RCAN2: variants seen among roughly 807,000 people sequenced by gnomAD.
The protein encoded by RCAN2 is regulator of calcineurin 2.
Under a neutral mutation model 23.6 loss-of-function variants are expected in RCAN2, and 9 were observed. The ratio of observed to expected loss-of-function variants is 0.38; its 90% CI spans 0.23 to 0.67. The LOEUF (loss-of-function observed/expected upper bound fraction) is 0.67, where lower values mean the gene tolerates loss of function less well. RCAN2 is among the 30% of genes least tolerant of loss of function. RCAN2 has a pLI of 0.51. For synonymous variants in RCAN2, 109 were observed against 115.7 expected, an observed-to-expected ratio of 0.94 and a Z score of 0.37; for missense variants, 273 against 302.3, an observed-to-expected ratio of 0.90 and a Z score of 0.72.
chr6:46,232,327 C>G (rs777972713), intron 4 of RCAN2, among the ~76,000 whole-genome samples: 2 of 152,148 alleles, frequency 1.3e-5, no homozygotes, highest in Non-Finnish European at 2.9e-5. Context: ...TAATCCATGT[C>G]CCCGGGTAAA....
chr6:46,307,338 A>G (rs1763104080), intron 2 of RCAN2, among the ~76,000 whole-genome samples: 2 of 152,154 alleles, frequency 1.3e-5, no homozygotes, highest in African/African-American at 4.8e-5. Flanking sequence ...TGAGGGGTGT[A>G]TGTGCCTCAA....
At chr6:46,354,553 A>C (rs1042732006) in intron 2 of RCAN2, among the ~76,000 whole-genome samples, 3 of 152,184 alleles carry the variant, frequency 2.0e-5, no homozygotes, top group African/African-American at 7.2e-5. Flanking sequence ...AATTATTTCA[A>C]AATGAGAAGT....
At chr6:46,477,400 T>C (rs1768744955) in intron 1 of RCAN2, among the ~76,000 whole-genome samples, 1 of 152,180 alleles carries the variant, frequency 6.6e-6, no homozygotes, top group African/African-American at 2.4e-5. Flanking sequence ...AATCAAATTG[T>C]ATAAAAACCA....
intron 1 of RCAN2, among the ~76,000 whole-genome samples, chr6:46,463,577 T>A (rs1768283366): frequency 6.6e-6 from 1 of 152,214 alleles, no homozygotes; most frequent in Admixed American, 6.5e-5. Context: ...GAGATTTTTA[T>A]CTTACCATGA....
At chr6:46,469,275 C>T (rs190748068) in intron 1 of RCAN2, among the ~76,000 whole-genome samples, 121 of 152,336 alleles carry the variant, frequency 7.9e-4, no homozygotes, top group Non-Finnish European at 1.2e-3. Flanking sequence ...TAATCTCCCA[C>T]TTCTAGTGCC....
chr6:46,376,719 A>T (rs9395181), intron 2 of RCAN2, among the ~76,000 whole-genome samples: 14 of 150,978 alleles, frequency 9.3e-5, no homozygotes, highest in Non-Finnish European at 2.1e-4. Flanking sequence ...AACAAACAAA[A>T]AAAAAAAACA....
chr6:46,318,585 C>T (rs1763516987), intron 2 of RCAN2, among the ~76,000 whole-genome samples: 1 of 152,072 alleles, frequency 6.6e-6, no homozygotes, highest in South Asian at 2.1e-4. Context: ...AACTCACTTG[C>T]CAAGAATCTT....
intron 4 of RCAN2, among the ~76,000 whole-genome samples, chr6:46,227,355 G>A (rs1163265964): frequency 6.6e-6 from 1 of 152,174 alleles, no homozygotes; most frequent in Non-Finnish European, 1.5e-5. Flanking sequence ...ATTTCAGAAG[G>A]AATGGTACCA....
chr6:46,292,023 T>A (rs1294261006), intron 2 of RCAN2, among the ~76,000 whole-genome samples: 1 of 152,228 alleles, frequency 6.6e-6, no homozygotes. Context: ...TCTTACATTC[T>A]GCAATTGGAA....
At chr6:46,460,363 G>A (rs1465838145) in intron 1 of RCAN2, among the ~76,000 whole-genome samples, 2 of 152,142 alleles carry the variant, frequency 1.3e-5, no homozygotes, top group Non-Finnish European at 2.9e-5. Flanking sequence ...TGCCCAGCCT[G>A]GTTTGTCTTT....
intron 2 of RCAN2, among the ~76,000 whole-genome samples, chr6:46,389,976 C>T (rs191974050): frequency 1.6e-5 from 2 of 127,712 alleles, no homozygotes; most frequent in African/African-American, 6.2e-5. Flanking sequence ...AATGAAATGA[C>T]AAAAACAAAG....
At chr6:46,436,011 T>C (rs963316412) in intron 2 of RCAN2, among the ~76,000 whole-genome samples, 2 of 152,204 alleles carry the variant, frequency 1.3e-5, no homozygotes, top group Non-Finnish European at 1.5e-5. Context: ...GCAGGGGAGA[T>C]AGAAAATGCA....
intron 2 of RCAN2, among the ~76,000 whole-genome samples, chr6:46,288,232 A>G (rs1010924662): frequency 1.2e-4 from 18 of 152,268 alleles, no homozygotes; most frequent in Non-Finnish European, 2.5e-4. Context: ...AATAAAAACC[A>G]GTCAACTAAA....
intron 2 of RCAN2, among the ~76,000 whole-genome samples, chr6:46,268,348 C>A (rs562150146): frequency 3.9e-5 from 6 of 152,162 alleles, no homozygotes; most frequent in African/African-American, 1.2e-4. Flanking sequence ...GTTATTATAG[C>A]AAATGTGTTC....
At chr6:46,457,822 T>G (rs1264200092) in intron 1 of RCAN2, among the ~76,000 whole-genome samples, 1 of 152,220 alleles carries the variant, frequency 6.6e-6, no homozygotes, top group Non-Finnish European at 1.5e-5. Flanking sequence ...TTTCCAGTAT[T>G]GATTTCACCT....
intron 1 of RCAN2, among the ~76,000 whole-genome samples, chr6:46,464,183 G>C (rs1582223738): frequency 6.6e-6 from 1 of 152,062 alleles, no homozygotes; most frequent in Non-Finnish European, 1.5e-5. Flanking sequence ...TAATAGAAAA[G>C]AAATGCCTAT....
At chr6:46,381,046 T>C (rs971285371) in intron 2 of RCAN2, among the ~76,000 whole-genome samples, 9 of 152,194 alleles carry the variant, frequency 5.9e-5, no homozygotes, top group African/African-American at 2.2e-4. Context: ...TTCCTGTCTC[T>C]GGGAGACCCA....
intron 1 of RCAN2, among the ~76,000 whole-genome samples, chr6:46,489,573 C>T (rs999175958): frequency 6.6e-6 from 1 of 152,150 alleles, no homozygotes; most frequent in East Asian, 1.9e-4. Context: ...TTTTTAACAC[C>T]GTGATGTGCA....
At chr6:46,244,207 G>T (rs754626011) in intron 4 of RCAN2, among the ~76,000 whole-genome samples, 1 of 152,154 alleles carries the variant, frequency 6.6e-6, no homozygotes, top group East Asian at 1.9e-4. Context: ...GGTAAAAGGC[G>T]TGTATTTTTA....
Sources: gnomAD v4.1 joint callset for allele counts (sites outside exome capture counted in the v4.1 genomes callset) on GRCh38, gnomAD v4.1.1 for gene constraint, MANE v1.5 for transcripts, NCBI Gene and HGNC (gene_info 2026-07-23, HGNC 2026-07-21) for gene names.